The following WDFY4 variants were observed in gnomAD, a reference collection of about 807,000 sequenced individuals.
WDFY4 encodes the protein WDFY family member 4, also known as WD repeat- and FYVE domain-containing protein 4.
WDFY4 carries 169 observed loss-of-function variants against 351.9 expected under a neutral mutation model. The ratio of observed to expected loss-of-function variants is 0.48; its 90% confidence interval spans 0.42 to 0.55. The LOEUF (loss-of-function observed/expected upper bound fraction) is 0.55, where lower values mean the gene tolerates loss of function less well. Among genes scored for constraint, WDFY4 ranks in the 20% least tolerant of loss-of-function variants. WDFY4 has a pLI of 0.00. For missense variants in WDFY4, 3,803 were observed against 3,935.6 expected, an observed-to-expected ratio of 0.97 and a Z score of 0.90; for synonymous variants, 1,622 against 1,574.6, an observed-to-expected ratio of 1.03 and a Z score of -0.71.
intron 23 of WDFY4, among the ~76,000 whole-genome samples, chr10:48,793,813 T>G (rs1018700191): frequency 7.2e-5 from 11 of 152,160 alleles, no homozygotes; most frequent in Non-Finnish European, 1.5e-4. Context: ...TTTCATCAGT[T>G]TTTAGGTTTT....
At chr10:48,804,800 G>A (rs766425742) in intron 25 of WDFY4, 48 of 984,224 alleles carry the variant, frequency 4.9e-5, no homozygotes, top group Non-Finnish European at 5.5e-5. Flanking sequence ...GGTGGATTCT[G>A]TCTTTTTCTC....
At chr10:48,913,287 C>T in intron 47 of WDFY4, 3 of 1,073,504 alleles carry the variant, frequency 2.8e-6, no homozygotes, top group Non-Finnish European at 2.7e-6. Flanking sequence ...GCTGAAAGAG[C>T]TGCTGCAGCC....
chr10:48,910,274 CAAG>C (rs1837880172), intron 47 of WDFY4: 33 of 1,613,148 alleles, frequency 2.0e-5, no homozygotes, highest in Non-Finnish European at 2.8e-5. Flanking sequence ...GATGGAGACA[CAAG>C]AAGGTGAGGC....
chr10:48,925,485 T>G (rs1839496078), intron 47 of WDFY4, among the ~76,000 whole-genome samples: 1 of 152,218 alleles, frequency 6.6e-6, no homozygotes, highest in South Asian at 2.1e-4. Context: ...CGAAATTGTG[T>G]GCTGTGCTAC....
Position 48,786,632 on chromosome 10 carries a change from T to C in WDFY4, c.3577-7T>C. ...ACTACTCACTCTTGTCCTTTTTATT[T>C]TAACAGATGTTATACATCCAGGCTC... On this transcript the variant is annotated splice_polypyrimidine_tract_variant and splice_region_variant and intron_variant, in intron 19 of 61. Transcript: ENST00000325239. 1 of 1,547,380 alleles carries C rather than the reference T, an allele frequency of 6.5e-7. No homozygotes were observed. The highest frequency in any genetic ancestry group is 8.7e-7 in the Non-Finnish European group (1 of 1,145,220).
At chr10:48,713,434 T>C (rs1362238265) in intron 2 of WDFY4, among the ~76,000 whole-genome samples, 1 of 152,242 alleles carries the variant, frequency 6.6e-6, no homozygotes, top group Non-Finnish European at 1.5e-5. Context: ...TGTCTTTGTT[T>C]ATACTTGAAT....
intron 39 of WDFY4, among the ~76,000 whole-genome samples, chr10:48,834,768 C>A (rs934735664): frequency 1.3e-5 from 2 of 152,232 alleles, no homozygotes; most frequent in Non-Finnish European, 2.9e-5. Flanking sequence ...TGGGAACCCT[C>A]ACACCTGTTG....
intron 13 of WDFY4, among the ~76,000 whole-genome samples, chr10:48,763,258 T>G (rs747618170): frequency 6.6e-6 from 1 of 152,212 alleles, no homozygotes; most frequent in Non-Finnish European, 1.5e-5. Flanking sequence ...GAAAGTTGTT[T>G]GGCTTTCTAA....
Position 48,834,733 on chromosome 10 carries a change from G to A in WDFY4, c.6663+2024G>A, listed in dbSNP as rs963228034. 2.6e-5 allele frequency among the ~76,000 whole-genome samples: 4 copies of A among 152,230 alleles called. No individual in the cohort carries two copies. The South Asian group carries it at 8.3e-4, about 31-fold the overall frequency. On this transcript the variant is annotated intron_variant, in intron 39 of 61. Transcript: ENST00000325239. ...TGGGAGCTAGGGAAGGAATGTTAGGGTGCTGGGCATGGGCATTCATCTCAT... is the reference window on the plus strand; with the variant it reads ...TGGGAGCTAGGGAAGGAATGTTAGGATGCTGGGCATGGGCATTCATCTCAT...
chr10:48,936,558 C>A, intron 47 of WDFY4, among the ~76,000 whole-genome samples: 1 of 152,000 alleles, frequency 6.6e-6, no homozygotes, highest in East Asian at 1.9e-4. Context: ...AGCACTCAGG[C>A]CAGGTGTGGT....
At chr10:48,767,121 A>C (rs2132559116) in intron 13 of WDFY4, among the ~76,000 whole-genome samples, 1 of 152,324 alleles carries the variant, frequency 6.6e-6, no homozygotes, top group African/African-American at 2.4e-5. Context: ...TGAGCCTTGG[A>C]GTAAGGCTTG....
Position 48,721,347 on chromosome 10 carries a change from G to C in WDFY4, c.436G>C (p.Val146Leu), listed in dbSNP as rs372272087. 4.5e-6 allele frequency: 7 copies of C among 1,551,670 alleles called. No individual in the cohort carries two copies. In the South Asian group the frequency reaches 7.1e-5, roughly 16 times the overall value. ...CTACTTGCTCCTGAAGTCAGTGTAC[G>C]TGCTCACGGGGACAGACTCGGTAAG... ...DGYLLLKSVY[V>L]LTGTDSETLG... The change falls in exon 4 of 62, where the codon GTG (valine) becomes CTG (leucine). Residue 146 changes from valine to leucine, a missense_variant. Physicochemically the swap from Val to Leu is conservative, Grantham distance 32 (BLOSUM62 1). Coordinates refer to ENST00000325239, the MANE Select transcript of WDFY4 (RefSeq NM_001394531.1).
Position 48,757,818 on chromosome 10 carries a change from A to G in WDFY4, c.2460-2529A>G, listed in dbSNP as rs1176126260. On this transcript the variant is annotated intron_variant, in intron 12 of 61. Coordinates refer to ENST00000325239, the MANE Select transcript of WDFY4 (RefSeq NM_001394531.1). ...CTGCAGTATACTTAATTAACTTTTA[A>G]CAGTCTACTTAGAATTGACATTTTA... is the stretch of plus-strand genomic sequence containing the variant. 2.0e-5 allele frequency among the ~76,000 whole-genome samples: 3 copies of G among 151,892 alleles called. No individual in the cohort carries two copies. In the East Asian group the frequency reaches 5.8e-4, roughly 29 times the overall value.
At chr10:48,822,624 C>T (rs2067862632) in intron 35 of WDFY4, 87 bp downstream of exon 35, 11 of 1,355,004 alleles carry the variant, frequency 8.1e-6, no homozygotes, top group South Asian at 2.0e-5. Flanking sequence ...TGGATCTGCC[C>T]TCCCTCCCTG....
At chr10:48,900,132 G>A (rs776387646) in intron 45 of WDFY4, 89 bp from the exon 46 acceptor site, 223 of 1,172,480 alleles carry the variant, frequency 1.9e-4, no homozygotes, top group Non-Finnish European at 2.5e-4. Context: ...ACGGAGACCC[G>A]CAATGACCCA....
At chr10:48,780,846 T>C (rs2066196416) in intron 19 of WDFY4, among the ~76,000 whole-genome samples, 1 of 152,226 alleles carries the variant, frequency 6.6e-6, no homozygotes, top group Non-Finnish European at 1.5e-5. Flanking sequence ...TTTTTAAAGT[T>C]CTCTTGCACA....
intron 51 of WDFY4, among the ~76,000 whole-genome samples, chr10:48,953,329 TCTCTCACA>T (rs1564525345): frequency 4.6e-5 from 4 of 87,502 alleles, no homozygotes; most frequent in African/African-American, 1.5e-4. Context: ...TCTCTCTCTC[TCTCTCACA>T]CACACACACA....
chr10:48,760,600 T>G (rs12256306), intron 13 of WDFY4, among the ~76,000 whole-genome samples, 160 bp downstream of exon 13: 1,714 of 152,296 alleles, frequency 0.011, 31 homozygotes, highest in African/African-American at 0.038. Context: ...AGTACCAGGG[T>G]GTCCTGGACA....
chr10:48,953,406 G>A (rs1049282151), intron 51 of WDFY4, among the ~76,000 whole-genome samples: 6 of 150,322 alleles, frequency 4.0e-5, no homozygotes, highest in African/African-American at 1.5e-4. Flanking sequence ...CATAGACAAG[G>A]GCATGGGCGG....
Sources: gnomAD v4.1 joint callset for allele counts (sites outside exome capture counted in the v4.1 genomes callset) on GRCh38, gnomAD v4.1.1 for gene constraint, MANE v1.5 for transcripts, NCBI Gene and HGNC (gene_info 2026-07-23, HGNC 2026-07-21) for gene names.